The following XCR1 variants were observed in gnomAD, a reference collection of about 807,000 sequenced individuals.
XCR1 encodes X-C motif chemokine receptor 1.
For missense variants in XCR1, 356 were observed against 424.2 expected, an observed-to-expected ratio of 0.84 and a Z score of 1.41; for synonymous variants, 187 against 188.5, an observed-to-expected ratio of 0.99 and a Z score of 0.06.
At chr3:46,031,741 G>A (rs1424606866), upstream of XCR1, among the ~76,000 whole-genome samples, 6 of 152,334 alleles carry the variant, frequency 3.9e-5, no homozygotes, top group East Asian at 1.2e-3. Flanking sequence ...TCTGGCCCAT[G>A]GCCACCCATG....
intron 5 of XCR1, among the ~76,000 whole-genome samples, chr3:46,042,671 T>C (rs1697556569): frequency 3.3e-5 from 5 of 152,154 alleles, no homozygotes; most frequent in Admixed American, 2.6e-4. Context: ...AGATATTGAA[T>C]CAGTAATCAA....
Position 46,022,130 on chromosome 3 carries a change from G to A in XCR1, c.-31-152C>T. 4 of 640,042 alleles carry A rather than the reference G, an allele frequency of 6.2e-6. No homozygotes were observed. In the East Asian group the frequency reaches 1.2e-4, roughly 19 times the overall value. 39.6% of individuals were successfully genotyped at this position (640,042 alleles called of 1,614,324 possible). ...TCCCAGGCAATATAGTGACACCCCT[G>A]TCTCTACAAAAAATTTAAAAATTAC... On this transcript the variant is annotated intron_variant, in intron 1 of 1. Transcript: ENST00000309285.
chr3:46,049,619 A>AG (rs1697701786), intron 5 of XCR1, among the ~76,000 whole-genome samples: 1 of 147,450 alleles, frequency 6.8e-6, no homozygotes, highest in African/African-American at 2.7e-5. Flanking sequence ...GTGAGCTCTA[A>AG]CACCTGAATG....
At position 46,067,312 on chromosome 3, in the gene XCR1, G is replaced by A. The variant is rs568072178; in HGVS notation, c.-262-334C>T. 9.8e-5 allele frequency among the ~76,000 whole-genome samples: 15 copies of A among 152,288 alleles called. No individual in the cohort carries two copies. In the East Asian group the frequency reaches 1.9e-3, roughly 20 times the overall value. ...GACAAGTAGGAGTTATCCAGGGAGA[G>A]GGGGCTGAATGCCAGATCTAGGGGA... On this transcript the variant is annotated intron_variant, in intron 3 of 5. Transcript: ENST00000683768.
intron 5 of XCR1, among the ~76,000 whole-genome samples, chr3:46,035,435 C>T (rs764599060): frequency 2.0e-5 from 3 of 152,160 alleles, no homozygotes; most frequent in South Asian, 2.1e-4. Flanking sequence ...CCATGAGCAA[C>T]GGGACCTAGA....
chr3:46,025,413 AAAG>A (rs1278792521), intron 1 of XCR1, among the ~76,000 whole-genome samples: 2 of 150,506 alleles, frequency 1.3e-5, no homozygotes, highest in African/African-American at 5.0e-5. Context: ...CAAAAGAAAT[AAAG>A]AAAGAGAGAG....
At chr3:46,039,637 A>G (rs1463987234) in intron 5 of XCR1, among the ~76,000 whole-genome samples, 1 of 152,194 alleles carries the variant, frequency 6.6e-6, no homozygotes. Context: ...CATTAACACC[A>G]TTTGAAGCCT....
chr3:46,082,654 C>T (rs1698395551), intron 1 of XCR1, among the ~76,000 whole-genome samples: 1 of 128,004 alleles, frequency 7.8e-6, no homozygotes, highest in South Asian at 2.6e-4. Flanking sequence ...CCACACCCAG[C>T]TAATTAAAAA....
At chr3:46,028,563 C>A (rs1708341946), upstream of XCR1, among the ~76,000 whole-genome samples, 1 of 151,302 alleles carries the variant, frequency 6.6e-6, no homozygotes, top group African/African-American at 2.4e-5. Flanking sequence ...CCCTTCGACA[C>A]ACAAATGCTT....
At chr3:46,080,085 T>A (rs1457618214) in intron 1 of XCR1, among the ~76,000 whole-genome samples, 2 of 151,184 alleles carry the variant, frequency 1.3e-5, no homozygotes, top group Non-Finnish European at 2.9e-5. Flanking sequence ...AAAAACCTTT[T>A]AACAATATTC....
intron 2 of XCR1, among the ~76,000 whole-genome samples, chr3:46,076,683 G>A (rs1414422286): frequency 1.3e-5 from 2 of 151,962 alleles, no homozygotes; most frequent in African/African-American, 2.4e-5. Context: ...AAGGAGGAAA[G>A]TTTCTATGCT....
intron 1 of XCR1, chr3:46,023,187 A>G: frequency 6.6e-6 from 3 of 454,174 alleles, no homozygotes; most frequent in Non-Finnish European, 1.2e-5. Flanking sequence ...AAGTGGAGAG[A>G]TTGTTGCTCC....
chr3:46,059,779 C>T (rs4493468), intron 4 of XCR1, among the ~76,000 whole-genome samples: 25 of 151,830 alleles, frequency 1.6e-4, no homozygotes, highest in African/African-American at 4.3e-4. Context: ...TGTAAATAAA[C>T]GTTCCACCAA....
chr3:46,077,456 A>C (rs1226084523), intron 1 of XCR1, among the ~76,000 whole-genome samples: 1 of 152,010 alleles, frequency 6.6e-6, no homozygotes, highest in Non-Finnish European at 1.5e-5. Context: ...AAACAAGCTC[A>C]GGGCTCTTAC....
chr3:46,037,365 C>T lies in XCR1; in HGVS notation c.-31-15387G>A, dbSNP rs1389548679. On this transcript the variant is annotated intron_variant, in intron 5 of 5. Coordinates refer to the XCR1 transcript ENST00000683768. ...ATGAAGAAAGTTATGAATGTGACAACGTATTTTTGGTGAGAAAGGTTATAA... is the reference window on the plus strand; with the variant it reads ...ATGAAGAAAGTTATGAATGTGACAATGTATTTTTGGTGAGAAAGGTTATAA... Among the ~76,000 whole-genome samples the T allele has an allele frequency of 4.0e-5, 6 of 151,450 alleles. No individual in the cohort carries two copies. The East Asian group carries it at 7.7e-4, about 19-fold the overall frequency.
Position 46,021,011 on chromosome 3 carries a change from G to C in XCR1, c.937C>G (p.Pro313Ala). 6.2e-7 allele frequency: 1 copy of C among 1,613,398 alleles called. No individual in the cohort carries two copies. The highest frequency in any genetic ancestry group is 8.5e-7 in the Non-Finnish European group (1 of 1,179,616). Residue 313 changes from proline to alanine, a missense_variant, in exon 2 of 2, where the codon CCC becomes GCC. By Grantham distance (27) the Pro-to-Ala change is conservative. Transcript: ENST00000309285. The surrounding 1 kb of genome is among the most constrained non-coding windows in gnomAD (Gnocchi z 4.7). The stretch of plus-strand genomic sequence containing the variant: ...GAGTGGGGGATCGAGGCTGGGCTGG[G>C]TGCCTGCAGCCGGCAGAACCAGAAC... The part of the protein sequence containing the change: ...RQFWFCRLQA[P>A]SPASIPHSPG...
intron 4 of XCR1, among the ~76,000 whole-genome samples, chr3:46,063,289 C>T (rs916746501): frequency 1.3e-5 from 2 of 152,138 alleles, no homozygotes; most frequent in Non-Finnish European, 2.9e-5. Context: ...GCTACTAATC[C>T]TAGGCCTGAG....
Position 46,040,603 on chromosome 3 carries a change from A to G in XCR1, c.-32+13317T>C, listed in dbSNP as rs1575419435. Among the ~76,000 whole-genome samples, 3 of 152,302 alleles carry G rather than the reference A, an allele frequency of 2.0e-5. No homozygotes were observed. In the East Asian group the frequency reaches 5.8e-4, roughly 29 times the overall value. On this transcript the variant is annotated intron_variant, in intron 5 of 5. Transcript: ENST00000683768. ...TATGTCTTAATATATGTTGTCAGTAATAATTACGATTATTATGTTAAATTG... is the reference window on the plus strand; with the variant it reads ...TATGTCTTAATATATGTTGTCAGTAGTAATTACGATTATTATGTTAAATTG...
At chr3:46,077,725 A>C (rs542453204) in intron 1 of XCR1, among the ~76,000 whole-genome samples, 1 of 152,308 alleles carries the variant, frequency 6.6e-6, no homozygotes, top group East Asian at 1.9e-4. Context: ...ATTCCTGTCA[A>C]ATAGCTTTGT....
Sources: gnomAD v4.1 joint callset for allele counts (sites outside exome capture counted in the v4.1 genomes callset) on GRCh38, gnomAD v4.1.1 for gene constraint, Gnocchi (gnomAD v3.1) non-coding constraint, MANE v1.5 for transcripts, NCBI Gene and HGNC (gene_info 2026-07-23, HGNC 2026-07-21) for gene names.